The following UBE3D variants were observed in gnomAD, a reference collection of about 807,000 sequenced individuals.
The protein encoded by UBE3D is ubiquitin protein ligase E3D.
UBE3D carries 48 observed loss-of-function variants against 49.6 expected under a neutral mutation model. The observed-to-expected ratio is 0.97, with a 90% confidence interval of 0.77 to 1.23. The LOEUF (loss-of-function observed/expected upper bound fraction) is 1.23, where lower values mean the gene tolerates loss of function less well. Among genes scored for constraint, UBE3D ranks in the 50% most tolerant of loss-of-function variants. The pLI is 0.00. For missense variants in UBE3D, 452 were observed against 468.4 expected (o/e 0.96, Z 0.32); for synonymous variants, 189 against 174.2 (o/e 1.08, Z -0.67).
the UBE3D span, among the ~76,000 whole-genome samples, chr6:82,886,669 T>C: frequency 8.5e-5 from 13 of 152,378 alleles, no homozygotes; most frequent in East Asian, 1.5e-3. Flanking sequence ...AAGTTCTCTT[T>C]GTTTCCTCTA....
intron 8 of UBE3D, among the ~76,000 whole-genome samples, chr6:82,960,593 A>G (rs1468804876): frequency 1.3e-5 from 2 of 151,524 alleles, no homozygotes; most frequent in Non-Finnish European, 2.9e-5. Flanking sequence ...AGGCATTTGT[A>G]AGTGATATAA....
intron 8 of UBE3D, among the ~76,000 whole-genome samples, chr6:82,982,374 C>A (rs1778172111): frequency 6.6e-6 from 1 of 152,166 alleles, no homozygotes. Flanking sequence ...TTTTAACTTT[C>A]TAAATTTTCT....
Position 83,027,434 on chromosome 6 carries a change from C to CAAAAA in UBE3D, c.668-3401_668-3397dup, listed in dbSNP as rs61225462. Among the ~76,000 whole-genome samples the CAAAAA allele has an allele frequency of 5.0e-3, 174 of 34,630 alleles. 21 individuals carry two copies. The highest frequency in any genetic ancestry group is 0.016 in the African/African-American group (146 of 9,150). The allele number at this position is 34,630 out of a possible 152,430, so 22.7% of individuals were successfully genotyped here. A position where few individuals can be genotyped will look rare whatever the true frequency, so the allele number is the denominator to read the frequency against. ...CTGGCGACAGAGCGAGACTCCGTCTCAAAAAAAAAAAAAAAAAAAAAAAAA... is the reference window on the plus strand; with the variant it reads ...CTGGCGACAGAGCGAGACTCCGTCTCAAAAAAAAAAAAAAAAAAAAAAAAAAAAAA... On this transcript the variant is annotated intron_variant, in intron 5 of 9. Coordinates refer to ENST00000369747, the MANE Select transcript of UBE3D (RefSeq NM_198920.3).
At chr6:82,978,142 AG>A (rs10715152) in intron 8 of UBE3D, among the ~76,000 whole-genome samples, 103,309 of 151,748 alleles carry the variant, frequency 0.68, 35,829 homozygotes, top group East Asian at 0.82. Flanking sequence ...ATCTTGTACC[AG>A]GCAACACAGT....
chr6:82,926,404 G>C (rs1341035680), intron 9 of UBE3D, among the ~76,000 whole-genome samples: 3 of 152,092 alleles, frequency 2.0e-5, no homozygotes, highest in Non-Finnish European at 4.4e-5. Flanking sequence ...TGGCAATTAT[G>C]AATAAAGCTG....
At chr6:82,972,928 C>G (rs1215522286) in intron 8 of UBE3D, among the ~76,000 whole-genome samples, 2 of 152,072 alleles carry the variant, frequency 1.3e-5, no homozygotes, top group Non-Finnish European at 2.9e-5. Flanking sequence ...TTTGAAAACA[C>G]ATATGTTTAA....
chr6:83,008,132 G>A (rs1187857715), intron 8 of UBE3D, among the ~76,000 whole-genome samples: 1 of 152,074 alleles, frequency 6.6e-6, no homozygotes, highest in Non-Finnish European at 1.5e-5. Flanking sequence ...ATTGGCATTT[G>A]GGGTTGAAAA....
chr6:82,934,510 T>C (rs189459694), intron 9 of UBE3D, among the ~76,000 whole-genome samples: 8 of 152,094 alleles, frequency 5.3e-5, no homozygotes, highest in East Asian at 1.9e-4. Flanking sequence ...TCTAGAGAAA[T>C]AGAAAAACAC....
intron 3 of UBE3D, among the ~76,000 whole-genome samples, chr6:83,053,474 G>A (rs559190773): frequency 1.3e-5 from 2 of 152,194 alleles, no homozygotes; most frequent in South Asian, 4.2e-4. Context: ...AATTTTAGGA[G>A]GAAGGGTTTG....
intron 9 of UBE3D, among the ~76,000 whole-genome samples, chr6:82,905,463 T>C (rs1440292138): frequency 1.3e-5 from 2 of 152,150 alleles, no homozygotes; most frequent in Non-Finnish European, 2.9e-5. Flanking sequence ...GTTCTGTCTG[T>C]ACCAATGACC....
chr6:83,054,942 C>A (rs907016456), intron 2 of UBE3D, among the ~76,000 whole-genome samples: 2 of 152,214 alleles, frequency 1.3e-5, no homozygotes, highest in South Asian at 4.1e-4. Context: ...AGCCACCGTG[C>A]CCAGCCAACT....
At chr6:82,919,207 G>T (rs1338137038) in intron 9 of UBE3D, among the ~76,000 whole-genome samples, 1 of 152,066 alleles carries the variant, frequency 6.6e-6, no homozygotes, top group Non-Finnish European at 1.5e-5. Context: ...ACCCCAAGAG[G>T]AGAAAGTAGA....
At chr6:83,062,339 G>A (rs1241750802) in intron 1 of UBE3D, among the ~76,000 whole-genome samples, 1 of 152,158 alleles carries the variant, frequency 6.6e-6, no homozygotes, top group African/African-American at 2.4e-5. Context: ...AACTTTGGAA[G>A]CCAGACTCTT....
intron 5 of UBE3D, among the ~76,000 whole-genome samples, chr6:83,026,312 A>T (rs1226393762): frequency 6.6e-6 from 1 of 151,876 alleles, no homozygotes; most frequent in East Asian, 1.9e-4. Context: ...TTAGCCAGGC[A>T]GAGTGGCATG....
intron 9 of UBE3D, among the ~76,000 whole-genome samples, chr6:82,925,383 ACTT>A (rs1192365199): frequency 6.6e-6 from 1 of 152,126 alleles, no homozygotes; most frequent in Non-Finnish European, 1.5e-5. Context: ...TACTGACCCG[ACTT>A]CTTTAAGTCA....
chr6:82,987,243 G>C (rs1047740605), intron 8 of UBE3D, among the ~76,000 whole-genome samples: 2 of 152,014 alleles, frequency 1.3e-5, no homozygotes, highest in African/African-American at 4.8e-5. Context: ...TGAACTCCTG[G>C]CCTCAAGTAA....
At chr6:83,006,152 G>C (rs548422236) in intron 8 of UBE3D, among the ~76,000 whole-genome samples, 1 of 152,286 alleles carries the variant, frequency 6.6e-6, no homozygotes, top group African/African-American at 2.4e-5. Context: ...TTGAACTTGG[G>C]AGGCAGAGGT....
intron 8 of UBE3D, among the ~76,000 whole-genome samples, chr6:82,996,919 G>T (rs1438960572): frequency 6.6e-6 from 1 of 152,186 alleles, no homozygotes; most frequent in Non-Finnish European, 1.5e-5. Flanking sequence ...AAGACCTGGT[G>T]AAATGTGAAT....
rs1784444751 is a variant in UBE3D at position 83,065,660 on chromosome 6, C to G, written c.59G>C (p.Ser20Thr). The change falls in exon 1 of 10, where the codon AGC (serine) becomes ACC (threonine). Residue 20 changes from serine to threonine, a missense_variant. Ser to Thr is a moderately conservative substitution (Grantham distance 58). Transcript: ENST00000369747. ...VFLEVRGQLQ[S>T]ALLILGEPKE... is the part of the protein sequence containing the mutation. ...TTCTTACCCCAGGATCAGAAGCGCGCTCTGCAGCTGTCCCCGCACCTCCAG... is the reference window on the plus strand; with the variant it reads ...TTCTTACCCCAGGATCAGAAGCGCGGTCTGCAGCTGTCCCCGCACCTCCAG... 1 of 1,613,958 alleles carries G rather than the reference C, an allele frequency of 6.2e-7. No homozygotes were observed. The highest frequency in any genetic ancestry group is 8.5e-7 in the Non-Finnish European group (1 of 1,179,914).
Sources: allele counts gnomAD v4.1 joint callset (sites outside exome capture counted in the v4.1 genomes callset), GRCh38; gene constraint gnomAD v4.1.1; transcripts MANE v1.5; gene names NCBI Gene and HGNC (gene_info 2026-07-23, HGNC 2026-07-21).